Variants in SDK2 observed in about 807,000 individuals in gnomAD.
SDK2 encodes the protein protein sidekick-2.
SDK2 carries 105 observed loss-of-function variants against 253.9 expected under a neutral mutation model. The ratio of observed to expected loss-of-function variants is 0.41; its 90% confidence interval spans 0.35 to 0.49. The LOEUF (loss-of-function observed/expected upper bound fraction) is 0.49, where lower values mean the gene tolerates loss of function less well. Among genes scored for constraint, SDK2 ranks in the 20% least tolerant of loss-of-function variants. The pLI is 0.06. For missense variants in SDK2, 2,608 were observed against 3,003.0 expected, an observed-to-expected ratio of 0.87 and a Z score of 3.07; for synonymous variants, 1,249 against 1,234.9, an observed-to-expected ratio of 1.01 and a Z score of -0.24.
At chr17:73,623,923 TCTC>T (rs1357036796) in intron 1 of SDK2, among the ~76,000 whole-genome samples, 2 of 152,152 alleles carry the variant, frequency 1.3e-5, no homozygotes, top group Non-Finnish European at 2.9e-5. Flanking sequence ...CTTTTCATGT[TCTC>T]CTTCCTGTAT....
At chr17:73,552,646 A>G (rs920013104) in intron 1 of SDK2, among the ~76,000 whole-genome samples, 3 of 152,204 alleles carry the variant, frequency 2.0e-5, no homozygotes, top group Non-Finnish European at 4.4e-5. Context: ...ACTGAGGCAT[A>G]AATGGGTTAA....
At position 73,435,323 on chromosome 17, in the gene SDK2, G is replaced by A. The variant is rs749783308; in HGVS notation, c.1195+127C>T. 1.5e-5 allele frequency: 14 copies of A among 904,406 alleles called. No homozygotes were observed. In the East Asian group the frequency reaches 2.3e-4, roughly 15 times the overall value. 56.0% of individuals were successfully genotyped at this position (904,406 alleles called of 1,614,324 possible). On this transcript the variant is annotated intron_variant, in intron 9 of 44. Transcript: ENST00000392650. This position sits in a 1 kb window ranked among gnomAD's most constrained non-coding sequence, Gnocchi z 5.7. ...GCCCCCAGGCTGCTGGGCAGCAGGC[G>A]GCCTTTGGGGATCCTATCTGCTTAA...
intron 1 of SDK2, among the ~76,000 whole-genome samples, chr17:73,562,778 C>T (rs1599681145): frequency 2.0e-5 from 3 of 152,236 alleles, no homozygotes. Flanking sequence ...GAAGGCGCCA[C>T]GGGCTGCTGG....
At chr17:73,377,406 A>C (rs1249819357) in intron 36 of SDK2, among the ~76,000 whole-genome samples, 4 of 150,674 alleles carry the variant, frequency 2.7e-5, no homozygotes, top group Non-Finnish European at 5.9e-5. Flanking sequence ...TTTAGTAGAG[A>C]TGGGGTTTCA....
At chr17:73,563,048 C>A (rs553566661) in intron 1 of SDK2, among the ~76,000 whole-genome samples, 1 of 152,342 alleles carries the variant, frequency 6.6e-6, no homozygotes, top group East Asian at 1.9e-4. Context: ...CGCTCTGATA[C>A]CGCCTCACTG....
rs972684098 is a variant in SDK2 at position 73,339,504 on chromosome 17, C to T, written c.6166-564G>A. On this transcript the variant is annotated intron_variant, in intron 44 of 44. Coordinates refer to ENST00000392650, the MANE Select transcript of SDK2 (RefSeq NM_001144952.2). ...CCCAAAGTACTGGGATTACAGGTGT[C>T]AGCCACTATCCCTGGCAAATTTTAT... 2.7e-5 allele frequency among the ~76,000 whole-genome samples: 4 copies of T among 150,492 alleles called. No homozygotes were observed. In the East Asian group the frequency reaches 7.9e-4, roughly 30 times the overall value.
chr17:73,498,684 G>A (rs993954532), intron 2 of SDK2, among the ~76,000 whole-genome samples: 15 of 152,246 alleles, frequency 9.9e-5, no homozygotes, highest in African/African-American at 3.6e-4. Context: ...CCTTATAGGA[G>A]TTGCTGATGT....
chr17:73,401,134 A>G lies in SDK2; in HGVS notation c.2857T>C (p.Tyr953His). 1 of 1,561,314 alleles carries G rather than the reference A, an allele frequency of 6.4e-7. No individual in the cohort carries two copies. The highest frequency in any genetic ancestry group is 8.7e-7 in the Non-Finnish European group (1 of 1,152,766). ...THYLPNVTLE[Y>H]RVTGLTALTT... ...AGCGCGGTGAGGCCCGTGACACGGT[A>G]CTCCAGGGTCACGTTGGGCAGGTAG... The change falls in exon 21 of 45, where the codon TAC (tyrosine) becomes CAC (histidine). Residue 953 changes from tyrosine (Y) to histidine (H), a missense_variant. Physicochemically the swap from Tyr to His is moderately conservative, Grantham distance 83 (BLOSUM62 2). This residue lies in a region of SDK2 where 1,505 missense variants were observed against 1,859.1 expected (regional missense o/e 0.81). Coordinates refer to ENST00000392650, the MANE Select transcript of SDK2 (RefSeq NM_001144952.2).
At chr17:73,478,745 A>G (rs948668925) in intron 2 of SDK2, among the ~76,000 whole-genome samples, 1 of 152,258 alleles carries the variant, frequency 6.6e-6, no homozygotes, top group African/African-American at 2.4e-5. Context: ...GTTGATATTT[A>G]AAATGATTCT....
At position 73,363,273 on chromosome 17, in the gene SDK2, G is replaced by A. The variant is rs187476370; in HGVS notation, c.5306-1428C>T. On this transcript the variant is annotated intron_variant, in intron 38 of 44. Coordinates refer to ENST00000392650, the MANE Select transcript of SDK2 (RefSeq NM_001144952.2). ...TTTAGTAGAGACAGGATTTTGCCAC[G>A]TTGGTCAGGCTGGTCTCGAACTCCT... Among the ~76,000 whole-genome samples, 104 of 152,314 alleles carry A rather than the reference G, an allele frequency of 6.8e-4. 1 individual carries two copies. Among genetic ancestry groups the A allele is most frequent in the Non-Finnish European group, 9.8e-4 (67 of 68,028 alleles).
intron 3 of SDK2, among the ~76,000 whole-genome samples, chr17:73,461,068 C>T (rs1176508620): frequency 6.6e-6 from 1 of 152,240 alleles, no homozygotes; most frequent in African/African-American, 2.4e-5. Context: ...CCCTCCCTGC[C>T]TCCTTCCTGA....
rs1011265627 is a variant in SDK2, at chr17:73,496,653, G to A, written c.224+10785C>T. On this transcript the variant is annotated intron_variant, in intron 2 of 44. Coordinates refer to ENST00000392650, the MANE Select transcript of SDK2 (RefSeq NM_001144952.2). The surrounding 1 kb of genome is among the most constrained non-coding windows in gnomAD (Gnocchi z 4.7). ...TATATCCGAGAAGATTCTTCCTGGC[G>A]TTCCAGGTCCTACCTCTGCCATCTT... Among the ~76,000 whole-genome samples the A allele has an allele frequency of 3.3e-5, 5 of 152,050 alleles. No homozygotes were observed. Among genetic ancestry groups the A allele is most frequent in the South Asian group, 2.1e-4 (1 of 4,816 alleles).
Position 73,379,451 on chromosome 17 carries a change from C to A in SDK2, c.4861G>T (p.Ala1621Ser), listed in dbSNP as rs954608639. 6.2e-7 allele frequency: 1 copy of A among 1,603,216 alleles called. No homozygotes were observed. Among genetic ancestry groups the A allele is most frequent in the Non-Finnish European group, 8.5e-7 (1 of 1,173,958 alleles). ...SPPQEVFVGEAVPTAAPRNVV... is the reference protein window; with the variant it reads ...SPPQEVFVGESVPTAAPRNVV... Reference sequence around the variant, plus strand: ...GGACAGGGCGGGCGCTGCTCACCTGCCTCCCCAACAAAGACCTCCTGCGGG... The same window carrying A: ...GGACAGGGCGGGCGCTGCTCACCTGACTCCCCAACAAAGACCTCCTGCGGG... Residue 1621 changes from alanine to serine, a missense_variant, in exon 35 of 45, where the codon GCA becomes TCA. Physicochemically the swap from Ala to Ser is moderately conservative, Grantham distance 99. Around this residue, in one of 2 missense-constraint regions of SDK2, gnomAD observed 1,103 missense variants for 1,143.9 expected, o/e 0.96. Transcript: ENST00000392650. The surrounding 1 kb of genome is among the most constrained non-coding windows in gnomAD (Gnocchi z 4.5).
chr17:73,621,524 A>C (rs1482333061), intron 1 of SDK2, among the ~76,000 whole-genome samples: 1 of 152,186 alleles, frequency 6.6e-6, no homozygotes, highest in Non-Finnish European at 1.5e-5. Context: ...ATTTCATGCA[A>C]TAAATGACAA....
At chr17:73,401,847 T>C in intron 19 of SDK2, 95 bp from the exon 20 acceptor site, 2 of 1,407,460 alleles carry the variant, frequency 1.4e-6, no homozygotes, top group Non-Finnish European at 2.0e-6. Flanking sequence ...TGGGGGTATC[T>C]CAGCCTGGGA....
At chr17:73,526,659 ATG>A (rs905382494) in intron 1 of SDK2, among the ~76,000 whole-genome samples, 5 of 148,794 alleles carry the variant, frequency 3.4e-5, no homozygotes, top group African/African-American at 1.2e-4. Flanking sequence ...ATGTGTGCAT[ATG>A]TGTGTGTTTG....
At chr17:73,463,138 A>G (rs2063575097) in intron 3 of SDK2, among the ~76,000 whole-genome samples, 1 of 152,164 alleles carries the variant, frequency 6.6e-6, no homozygotes, top group Admixed American at 6.5e-5. Flanking sequence ...AGGCAAAAAC[A>G]GTTAAGGGCT....
At chr17:73,554,204 C>T (rs143557855) in intron 1 of SDK2, among the ~76,000 whole-genome samples, 23 of 152,292 alleles carry the variant, frequency 1.5e-4, no homozygotes, top group Admixed American at 5.2e-4. Flanking sequence ...CAGTGCTTTG[C>T]GCAATGCCAG....
intron 2 of SDK2, among the ~76,000 whole-genome samples, chr17:73,504,819 C>T (rs28701115): frequency 0.032 from 4,824 of 152,116 alleles, 237 homozygotes; most frequent in African/African-American, 0.1. Context: ...TGTCCTGAGA[C>T]CCTTGATGGT....
Sources: gnomAD v4.1 joint callset for allele counts (sites outside exome capture counted in the v4.1 genomes callset) on GRCh38, gnomAD v4.1.1 for gene constraint, gnomAD v4.1.1 regional missense constraint, Gnocchi (gnomAD v3.1) non-coding constraint, MANE v1.5 for transcripts, NCBI Gene and HGNC (gene_info 2026-07-23, HGNC 2026-07-21) for gene names.